Variants in ZNF835 observed in about 807,000 individuals in gnomAD.
The protein encoded by ZNF835 is zinc finger protein 835.
For missense variants in ZNF835, 783 were observed against 758.4 expected (o/e 1.03, Z -0.38); for synonymous variants, 323 against 324.7 (o/e 0.99, Z 0.06).
chr19:56,666,618 G>A (rs190853422), intron 1 of ZNF835, among the ~76,000 whole-genome samples: 3 of 152,212 alleles, frequency 2.0e-5, no homozygotes, highest in Non-Finnish European at 4.4e-5. Context: ...GATTTTTTTT[G>A]TAAGCTGGAG....
Position 56,663,650 on chromosome 19 carries a change from G to C in ZNF835, c.1549C>G (p.Gln517Glu), listed in dbSNP as rs755959498. The C allele has an allele frequency of 6.2e-7, 1 of 1,614,054 alleles. No homozygotes were observed. Among genetic ancestry groups the C allele is most frequent in the East Asian group, 2.2e-5 (1 of 44,888 alleles). Residue 517 changes from glutamine (Q) to glutamate (E), a missense_variant, in exon 2 of 2, where the codon CAG becomes GAG. Gln to Glu is a conservative substitution (Grantham distance 29, BLOSUM62 2). Coordinates refer to ENST00000537055, the MANE Select transcript of ZNF835 (RefSeq NM_001005850.3). ...PTPDSTPGLS[Q>E]GGETCQQGCP... is the part of the protein sequence containing the mutation. ...CCCTGTTGACAGGTTTCTCCTCCCT[G>C]TGAGAGCCCAGGTGTTGAGTCAGGC...
In ZNF835 at chr19:56,663,942, C is replaced by T. The variant is rs769151079; in HGVS notation, c.1257G>A (p.Lys419=). 3 of 1,612,108 alleles carry T rather than the reference C, an allele frequency of 1.9e-6. No individual in the cohort carries two copies. The highest frequency in any genetic ancestry group is 2.5e-6 in the Non-Finnish European group (3 of 1,179,410). Reference sequence around the variant, plus strand: ...TGAAAGCTTTGCCGCACTCGCCGCACTTGTAGGGCCGCTCTCCGGTGTGGA... The same window carrying T: ...TGAAAGCTTTGCCGCACTCGCCGCATTTGTAGGGCCGCTCTCCGGTGTGGA... ...QKIHTGERPY[K]CGECGKAFSQ... The change falls in exon 2 of 2, where the codon AAG becomes AAA. Residue 419 remains lysine (K), a synonymous_variant. Transcript: ENST00000537055.
rs186508684 is a variant in ZNF835, at chr19:56,666,169, C to T, written c.-47-924G>A. On this transcript the variant is annotated intron_variant, in intron 1 of 1. Transcript: ENST00000537055. ...TTGCTCTGTTGCCCAGGCTGGAGCA[C>T]AGTCTTGGCTCACTGCAACCTCCGC... Among the ~76,000 whole-genome samples the T allele has an allele frequency of 3.3e-5, 5 of 152,146 alleles. No individual in the cohort carries two copies. The East Asian group carries it at 7.7e-4, about 24-fold the overall frequency.
At chr19:56,667,428 G>C (rs888786422) in intron 1 of ZNF835, among the ~76,000 whole-genome samples, 3 of 152,220 alleles carry the variant, frequency 2.0e-5, no homozygotes, top group African/African-American at 7.2e-5. Flanking sequence ...TGTGGCTGCA[G>C]GTAAGTGGCT....
rs1200730347 is a variant in ZNF835 at position 56,663,386 on chromosome 19, A to G, written c.*199T>C. ...CTGCAGGTCTACTTGCCCGTGCCCC[A>G]TTTATAATTTTGCACCAGGAAGACC... On this transcript the variant is annotated 3_prime_UTR_variant, in exon 2 of 2. Coordinates refer to ENST00000537055, the MANE Select transcript of ZNF835 (RefSeq NM_001005850.3). The G allele has an allele frequency of 8.8e-6, 6 of 683,326 alleles. No homozygotes were observed. Among genetic ancestry groups the G allele is most frequent in the Admixed American group, 2.9e-5 (1 of 33,964 alleles). The allele number at this position is 683,326 out of a possible 1,614,324, so 42.3% of individuals were successfully genotyped here.
At position 56,663,265 on chromosome 19, in the gene ZNF835, G is replaced by T; in HGVS notation, c.*320C>A. 1 of 358,236 alleles carries T rather than the reference G, an allele frequency of 2.8e-6. No homozygotes were observed. Among genetic ancestry groups the T allele is most frequent in the Non-Finnish European group, 5.1e-6 (1 of 195,950 alleles). The allele number at this position is 358,236 out of a possible 1,614,324, so 22.2% of individuals were successfully genotyped here. On this transcript the variant is annotated 3_prime_UTR_variant, in exon 2 of 2. Transcript: ENST00000537055. ...ACCCGGGAGGCAGAAGTTTCAGTGAGCCGAGATCGCTCCACTGCACTCTAG... is the reference window on the plus strand; with the variant it reads ...ACCCGGGAGGCAGAAGTTTCAGTGATCCGAGATCGCTCCACTGCACTCTAG...
chr19:56,665,450 G>A (rs748814940), intron 1 of ZNF835: 2 of 728,448 alleles, frequency 2.7e-6, no homozygotes, highest in South Asian at 1.4e-5. Flanking sequence ...TCTCCACACT[G>A]GCTGCCAGGG....
chr19:56,662,524 C>G lies in ZNF835; in HGVS notation c.*1061G>C, dbSNP rs1329403045. The G allele has an allele frequency of 6.6e-6, 1 of 152,240 alleles. No homozygotes were observed. The highest frequency in any genetic ancestry group is 1.5e-5 in the Non-Finnish European group (1 of 68,046). 9.4% of individuals were successfully genotyped at this position (152,240 alleles called of 1,614,324 possible). On this transcript the variant is annotated 3_prime_UTR_variant, in exon 2 of 2. Transcript: ENST00000537055. ...AAAAATCTTTTGTAGAGGAGAAGCA[C>G]TCCCTTCTTCTAGAATAACTTTCAG...
At chr19:56,668,293 G>A (rs72629157) in intron 1 of ZNF835, among the ~76,000 whole-genome samples, 37,199 of 151,460 alleles carry the variant, frequency 0.25, 4,878 homozygotes, top group East Asian at 0.48. Flanking sequence ...CACTGTGCCC[G>A]GCCAATAAAT....
In ZNF835 at chr19:56,664,304, C is replaced by G. The variant is rs750894269; in HGVS notation, c.895G>C (p.Val299Leu). 7 of 1,597,228 alleles carry G rather than the reference C, an allele frequency of 4.4e-6. No individual in the cohort carries two copies. The highest frequency in any genetic ancestry group is 5.1e-6 in the Non-Finnish European group (6 of 1,173,400). The change falls in exon 2 of 2, where the codon GTG (valine) becomes CTG (leucine). Residue 299 changes from valine to leucine, a missense_variant. Physicochemically the swap from Val to Leu is conservative, Grantham distance 32 (BLOSUM62 1). Transcript: ENST00000537055. ...GTGTAGGGCTTCTCGCCCGTGTGCA[C>G]GCGCCGGTGCTGGGTCAGGTGCGCG... ...QIAHLTQHRRVHTGEKPYTCQ... is the reference protein window; with the variant it reads ...QIAHLTQHRRLHTGEKPYTCQ...
intron 1 of ZNF835, among the ~76,000 whole-genome samples, chr19:56,667,883 C>T (rs530914987): frequency 1.6e-3 from 250 of 152,346 alleles, no homozygotes; most frequent in African/African-American, 5.8e-3. Flanking sequence ...AGGAAGCAGC[C>T]CTCACCAGAC....
At chr19:56,666,026 A>G (rs2045242290) in intron 1 of ZNF835, among the ~76,000 whole-genome samples, 1 of 108,426 alleles carries the variant, frequency 9.2e-6, no homozygotes, top group Admixed American at 1.1e-4. Flanking sequence ...GGAAGCCCTA[A>G]CTCCCAAGGT....
intron 1 of ZNF835, among the ~76,000 whole-genome samples, chr19:56,671,244 C>T (rs761333345): frequency 4.0e-5 from 6 of 151,802 alleles, no homozygotes; most frequent in Admixed American, 1.3e-4. Flanking sequence ...CAGGTGCAGA[C>T]GCTGTGACAC....
At chr19:56,671,223 C>T (rs1373995990) in intron 1 of ZNF835, among the ~76,000 whole-genome samples, 1 of 151,052 alleles carries the variant, frequency 6.6e-6, no homozygotes, top group African/African-American at 2.4e-5. Context: ...CTGCTGGTAC[C>T]GTCGAGTGAG....
rs375964493 is a variant in ZNF835, at chr19:56,664,549, G to A, written c.650C>T (p.Thr217Met). 75 of 1,608,068 alleles carry A rather than the reference G, an allele frequency of 4.7e-5. 2 individuals are homozygous for A. In the South Asian group the frequency reaches 4.9e-4, roughly 10 times the overall value. ...GGCGCACGCGTAGGGCCGCTCGCCC[G>A]TGTGCACGCGCCGGTGCTGGGTCAG... is the stretch of plus-strand genomic sequence containing the variant. Reference protein sequence around the residue: ...THLTQHRRVHTGERPYACAQC... With the variant: ...THLTQHRRVHMGERPYACAQC... The change falls in exon 2 of 2, where the codon ACG becomes ATG. Residue 217 changes from threonine to methionine, a missense_variant. Transcript: ENST00000537055.
Position 56,664,880 on chromosome 19 carries a change from TG to T in ZNF835, c.318del (p.Lys107ArgfsTer47). 6.2e-7 allele frequency: 1 copy of T among 1,613,880 alleles called. No individual in the cohort carries two copies. The highest frequency in any genetic ancestry group is 8.5e-7 in the Non-Finnish European group (1 of 1,179,890). ...CAGTCCCCGCATTTCCACGGCTTCT[TG>T]GGGCCTCCACCTCTCTCCCGCTGGC... ...DSRQRERGGG[P>X]KKPWKCGDCG... On this transcript the variant is annotated frameshift_variant, in exon 2 of 2. Coordinates refer to ENST00000537055, the MANE Select transcript of ZNF835 (RefSeq NM_001005850.3). LOFTEE classifies it low-confidence loss of function (END_TRUNC).
intron 1 of ZNF835, among the ~76,000 whole-genome samples, chr19:56,668,720 G>GGT (rs10675444): frequency 0.069 from 8,623 of 125,106 alleles, 798 homozygotes; most frequent in African/African-American, 0.23. Context: ...AGGTAAAGGG[G>GGT]GTGGGGCTGG....
At position 56,665,511 on chromosome 19, in the gene ZNF835, G is replaced by A. The variant is rs754469441; in HGVS notation, c.-47-266C>T. The A allele has an allele frequency of 8.1e-5, 48 of 595,970 alleles. 1 individual carries two copies. Among genetic ancestry groups the A allele is most frequent in the Middle Eastern group, 4.3e-4 (1 of 2,346 alleles). The allele number at this position is 595,970 out of a possible 1,614,324, so 36.9% of individuals were successfully genotyped here. On this transcript the variant is annotated intron_variant, in intron 1 of 1. Coordinates refer to ENST00000537055, the MANE Select transcript of ZNF835 (RefSeq NM_001005850.3). ...TAACAATGAAAAATGTCTCCAGGCC[G>A]GACGTGGTGGCTCATGCCTGCAATC...
Position 56,664,921 on chromosome 19 carries a change from C to T in ZNF835, c.278G>A (p.Arg93Lys). Residue 93 changes from arginine to lysine, a missense_variant, in exon 2 of 2, where the codon AGG (arginine) becomes AAG (lysine). Transcript: ENST00000537055. ...CSAPGESPKERHPDSRQRERG... is the reference protein window; with the variant it reads ...CSAPGESPKEKHPDSRQRERG... ...CTCCCGCTGGCGGCTGTCAGGATGC[C>T]TCTCCTTCGGGCTCTCCCCAGGCGC... The T allele has an allele frequency of 6.2e-7, 1 of 1,613,984 alleles. No individual in the cohort carries two copies. The highest frequency in any genetic ancestry group is 8.5e-7 in the Non-Finnish European group (1 of 1,179,896).
Sources: gnomAD v4.1 joint callset for allele counts (sites outside exome capture counted in the v4.1 genomes callset) on GRCh38, gnomAD v4.1.1 for gene constraint, MANE v1.5 for transcripts, NCBI Gene and HGNC (gene_info 2026-07-23, HGNC 2026-07-21) for gene names.